The following KCNH1 variants were observed in gnomAD, a reference collection of about 807,000 sequenced individuals.
KCNH1 encodes the protein voltage-gated delayed rectifier potassium channel KCNH1.
In KCNH1, 27 loss-of-function variants were observed where a neutral mutation model predicts 69.2. The ratio of observed to expected loss-of-function variants is 0.39; its 90% confidence interval spans 0.29 to 0.54. The LOEUF (loss-of-function observed/expected upper bound fraction) is 0.54, where lower values mean the gene tolerates loss of function less well. Ranked by LOEUF, KCNH1 falls within the 20% of genes least tolerant of loss-of-function variation. The pLI is 0.68. For missense variants in KCNH1, 798 were observed against 1,261.6 expected (o/e 0.63, Z 5.57); for synonymous variants, 456 against 487.7 (o/e 0.93, Z 0.86).
chr1:210,773,060 C>G (rs1328961869), intron 10 of KCNH1, among the ~76,000 whole-genome samples: 1 of 152,074 alleles, frequency 6.6e-6, no homozygotes, highest in South Asian at 2.1e-4. Context: ...ATTTTTTCAA[C>G]CTATATTATC....
chr1:210,862,360 C>A (rs1003964308), intron 7 of KCNH1: 3 of 660,402 alleles, frequency 4.5e-6, no homozygotes, highest in Admixed American at 2.2e-5. Flanking sequence ...CACACATGGA[C>A]CTGCCGCAGC....
intron 7 of KCNH1, among the ~76,000 whole-genome samples, chr1:210,886,055 A>G (rs1263493764): frequency 6.6e-6 from 1 of 152,206 alleles, no homozygotes; most frequent in Non-Finnish European, 1.5e-5. Flanking sequence ...TAAGGGACAG[A>G]CTGCCTACTC....
intron 7 of KCNH1, among the ~76,000 whole-genome samples, chr1:210,866,645 T>C (rs1345745643): frequency 1.3e-5 from 2 of 152,044 alleles, no homozygotes; most frequent in Non-Finnish European, 2.9e-5. Flanking sequence ...ACACTGAAAT[T>C]GTTGGAAGAA....
intron 10 of KCNH1, among the ~76,000 whole-genome samples, chr1:210,729,657 C>T (rs147733877): frequency 6.6e-6 from 1 of 152,324 alleles, no homozygotes; most frequent in African/African-American, 2.4e-5. Context: ...ACACACCTCA[C>T]AACTTATTAT....
chr1:211,094,394 A>C (rs1691108843), intron 3 of KCNH1, among the ~76,000 whole-genome samples: 1 of 152,164 alleles, frequency 6.6e-6, no homozygotes, highest in East Asian at 1.9e-4. Context: ...CCTGGGAGCT[A>C]GGGACCCCTG....
chr1:210,825,373 T>C (rs1416684093), intron 7 of KCNH1, among the ~76,000 whole-genome samples: 1 of 152,314 alleles, frequency 6.6e-6, no homozygotes, highest in East Asian at 1.9e-4. Context: ...TAATAATTTA[T>C]ATTATGTTAT....
chr1:210,714,371 AT>A (rs746505702), intron 10 of KCNH1, among the ~76,000 whole-genome samples: 6 of 152,238 alleles, frequency 3.9e-5, no homozygotes, highest in African/African-American at 9.6e-5. Context: ...ATAGGTGCTC[AT>A]GAAACATTTT....
intron 7 of KCNH1, among the ~76,000 whole-genome samples, chr1:210,844,680 G>A (rs1384707897): frequency 6.6e-6 from 1 of 152,084 alleles, no homozygotes. Flanking sequence ...AGAAAAGCAA[G>A]AGCAAACACA....
intron 7 of KCNH1, among the ~76,000 whole-genome samples, chr1:210,834,547 G>A (rs1177762040): frequency 5.9e-5 from 6 of 102,066 alleles, no homozygotes; most frequent in African/African-American, 2.3e-4. Context: ...GGTGGGGGGA[G>A]GGGGGAGGGA....
intron 5 of KCNH1, among the ~76,000 whole-genome samples, chr1:211,070,349 T>C (rs1198414761): frequency 6.9e-6 from 1 of 145,098 alleles, no homozygotes. Context: ...GCCCGGGAGG[T>C]GGAGCTTGCA....
chr1:210,957,052 G>A (rs1411808165), intron 6 of KCNH1, among the ~76,000 whole-genome samples: 1 of 152,122 alleles, frequency 6.6e-6, no homozygotes, highest in Non-Finnish European at 1.5e-5. Context: ...TGGGCACTTA[G>A]TGCTATAAAT....
chr1:210,930,577 G>C (rs1300830709), intron 6 of KCNH1, among the ~76,000 whole-genome samples: 2 of 151,970 alleles, frequency 1.3e-5, no homozygotes, highest in Non-Finnish European at 2.9e-5. Flanking sequence ...AAACCATAAA[G>C]AGTCTAGAAG....
intron 6 of KCNH1, among the ~76,000 whole-genome samples, chr1:210,944,482 T>C (rs1245192081): frequency 3.9e-5 from 6 of 152,130 alleles, no homozygotes; most frequent in Admixed American, 3.3e-4. Context: ...CATATCTAAA[T>C]GGAGAGCTCA....
Position 210,859,244 on chromosome 1 carries a change from C to A in KCNH1, c.1463-55078G>T, listed in dbSNP as rs571599215. On this transcript the variant is annotated intron_variant, in intron 7 of 10. Coordinates refer to ENST00000271751, the MANE Select transcript of KCNH1 (RefSeq NM_172362.3). ...CACAACTGGAGCACTGAATTTGTAT[C>A]CTCCATGCTTCTCAATCATTTTGGA... The A allele has an allele frequency of 4.3e-5, 70 of 1,611,990 alleles. No homozygotes were observed. In the Middle Eastern group the frequency reaches 1.2e-3, roughly 27 times the overall value.
At chr1:210,926,137 G>A (rs1017851649) in intron 6 of KCNH1, among the ~76,000 whole-genome samples, 1 of 152,192 alleles carries the variant, frequency 6.6e-6, no homozygotes, top group African/African-American at 2.4e-5. Flanking sequence ...GCAGGTGCCT[G>A]TAATGCTGGC....
At chr1:210,776,080 C>A (rs1304072266) in intron 9 of KCNH1, among the ~76,000 whole-genome samples, 1 of 152,116 alleles carries the variant, frequency 6.6e-6, no homozygotes, top group African/African-American at 2.4e-5. Context: ...TTTAAGGGAG[C>A]ACGTGGACTC....
intron 6 of KCNH1, among the ~76,000 whole-genome samples, chr1:210,983,741 A>C (rs994414763): frequency 7.9e-5 from 12 of 152,082 alleles, no homozygotes; most frequent in South Asian, 4.2e-4. Context: ...CTTAGCATCG[A>C]CTTGGCGATG....
intron 7 of KCNH1, among the ~76,000 whole-genome samples, chr1:210,822,442 C>A (rs977425229): frequency 6.6e-6 from 1 of 152,110 alleles, no homozygotes; most frequent in African/African-American, 2.4e-5. Context: ...AGTACAGGGA[C>A]TGGCTTTTGC....
intron 1 of KCNH1, among the ~76,000 whole-genome samples, chr1:211,124,566 G>A (rs953490430): frequency 1.3e-5 from 2 of 152,036 alleles, no homozygotes; most frequent in African/African-American, 2.4e-5. Context: ...ATCGCAAGCC[G>A]AGATCGCGCC....
Sources: gnomAD v4.1 joint callset for allele counts (sites outside exome capture counted in the v4.1 genomes callset) on GRCh38, gnomAD v4.1.1 for gene constraint, MANE v1.5 for transcripts, NCBI Gene and HGNC (gene_info 2026-07-23, HGNC 2026-07-21) for gene names.